The following LPP variants were observed in gnomAD, a reference collection of about 807,000 sequenced individuals.
LPP encodes the protein LIM domain containing preferred translocation partner in lipoma, also known as lipoma-preferred partner.
Under a neutral mutation model 60.4 loss-of-function variants are expected in LPP, and 38 were observed. That is an observed-to-expected ratio of 0.63 (90% confidence interval 0.49 to 0.83). The LOEUF (loss-of-function observed/expected upper bound fraction) is 0.83, where lower values mean the gene tolerates loss of function less well. Ranked by LOEUF, LPP falls within the 40% of genes least tolerant of loss-of-function variation. The pLI is 0.00. For missense variants in LPP, 902 were observed against 783.6 expected (o/e 1.15, Z -1.80); for synonymous variants, 328 against 290.8 (o/e 1.13, Z -1.30).
chr3:188,393,928 A>G (rs749014871), intron 3 of LPP, among the ~76,000 whole-genome samples: 24 of 152,148 alleles, frequency 1.6e-4, no homozygotes, highest in Non-Finnish European at 2.6e-4. Context: ...AATGCATTTT[A>G]TGCTTCCCCC....
At chr3:188,786,688 T>C (rs941879318) in intron 9 of LPP, among the ~76,000 whole-genome samples, 1 of 152,168 alleles carries the variant, frequency 6.6e-6, no homozygotes, top group African/African-American at 2.4e-5. Context: ...AACCCAGATG[T>C]CTTTCAACAG....
chr3:188,240,566 C>G (rs1724038262), intron 2 of LPP, among the ~76,000 whole-genome samples: 2 of 152,236 alleles, frequency 1.3e-5, no homozygotes, highest in Admixed American at 6.5e-5. Flanking sequence ...GAGCTTTATT[C>G]AAACTCATTC....
At chr3:188,864,446 TG>T (rs1300105048) in intron 9 of LPP, among the ~76,000 whole-genome samples, 4 of 152,268 alleles carry the variant, frequency 2.6e-5, no homozygotes, top group African/African-American at 9.6e-5. Context: ...ACATAGTCTC[TG>T]CCCCTAATGA....
rs1055018312 is a variant in LPP at position 188,591,901 on chromosome 3, G to T, written c.430-17260G>T. On this transcript the variant is annotated intron_variant, in intron 6 of 11. Transcript: ENST00000617246. Reference sequence around the variant, plus strand: ...TTTAACTGTGAGGTACTTGGCATGGGTCTGAATTGCATGTATATTGTATGA... The same window carrying T: ...TTTAACTGTGAGGTACTTGGCATGGTTCTGAATTGCATGTATATTGTATGA... Among the ~76,000 whole-genome samples the T allele has an allele frequency of 2.0e-5, 3 of 152,166 alleles. No individual in the cohort carries two copies. In the East Asian group the frequency reaches 5.8e-4, roughly 29 times the overall value.
intron 9 of LPP, among the ~76,000 whole-genome samples, chr3:188,800,798 G>T (rs1746992312): frequency 1.3e-5 from 2 of 152,002 alleles, no homozygotes; most frequent in South Asian, 4.1e-4. Flanking sequence ...GATTTTTGGT[G>T]GATTTAGCAT....
chr3:188,170,160 G>A (rs1200409896), intron 1 of LPP, among the ~76,000 whole-genome samples: 1 of 152,194 alleles, frequency 6.6e-6, no homozygotes, highest in Non-Finnish European at 1.5e-5. Context: ...TTTTGGCGCA[G>A]AACTTTCTGC....
intron 7 of LPP, among the ~76,000 whole-genome samples, chr3:188,665,222 T>A (rs1855501409): frequency 6.6e-6 from 1 of 152,212 alleles, no homozygotes; most frequent in Non-Finnish European, 1.5e-5. Context: ...GCCCCTTTTC[T>A]GTGTTGAATG....
chr3:188,310,534 C>G (rs1415019680), intron 2 of LPP, among the ~76,000 whole-genome samples: 1 of 152,130 alleles, frequency 6.6e-6, no homozygotes, highest in Non-Finnish European at 1.5e-5. Flanking sequence ...CAATCTTTGC[C>G]TACACATTGA....
intron 5 of LPP, among the ~76,000 whole-genome samples, chr3:188,519,940 T>C (rs1224205267): frequency 1.3e-5 from 2 of 152,210 alleles, no homozygotes; most frequent in African/African-American, 4.8e-5. Flanking sequence ...GGGTTAGTGA[T>C]AGTTGGCCTG....
intron 4 of LPP, among the ~76,000 whole-genome samples, chr3:188,411,330 C>T (rs1363907828): frequency 6.6e-6 from 1 of 152,050 alleles, no homozygotes; most frequent in East Asian, 1.9e-4. Context: ...TAAACTAGTA[C>T]AACTGCTATG....
At chr3:188,417,348 G>A (rs1030604968) in intron 4 of LPP, among the ~76,000 whole-genome samples, 4 of 152,018 alleles carry the variant, frequency 2.6e-5, no homozygotes, top group Admixed American at 6.6e-5. Flanking sequence ...CATCACAGAC[G>A]AGGACACATC....
chr3:188,836,056 A>T (rs1223381639), intron 9 of LPP, among the ~76,000 whole-genome samples: 1 of 152,190 alleles, frequency 6.6e-6, no homozygotes, highest in Non-Finnish European at 1.5e-5. Context: ...ATTTCAGATA[A>T]ATTTTATATG....
At chr3:188,736,671 AGATGGATG>A (rs1012398748) in intron 8 of LPP, among the ~76,000 whole-genome samples, 6 of 151,812 alleles carry the variant, frequency 4.0e-5, no homozygotes, top group Admixed American at 2.6e-4. Context: ...GATAAATATC[AGATGGATG>A]GATGGATGGA....
intron 7 of LPP, among the ~76,000 whole-genome samples, chr3:188,638,546 A>G (rs1419358371): frequency 1.4e-5 from 2 of 148,090 alleles, no homozygotes; most frequent in African/African-American, 5.1e-5. Flanking sequence ...AATAAAGGGT[A>G]TTCAATTAGG....
chr3:188,673,948 G>A (rs1156486182), intron 7 of LPP, among the ~76,000 whole-genome samples: 1 of 148,152 alleles, frequency 6.7e-6, no homozygotes, highest in African/African-American at 2.5e-5. Context: ...GGAGATGACT[G>A]ATGAAATATA....
intron 1 of LPP, among the ~76,000 whole-genome samples, chr3:188,195,806 G>A (rs972701240): frequency 2.6e-5 from 4 of 152,294 alleles, no homozygotes; most frequent in African/African-American, 9.6e-5. Context: ...TGTGGCTGCA[G>A]GAAATTAACA....
rs11459981 is a variant in LPP, at chr3:188,877,064, GT to G, written c.*2595del. 27 of 167,312 alleles carry G rather than the reference GT, an allele frequency of 1.6e-4. 1 individual carries two copies. The highest frequency in any genetic ancestry group is 3.1e-4 in the African/African-American group (13 of 41,532). 10.4% of individuals were successfully genotyped at this position (167,312 alleles called of 1,614,324 possible). On this transcript the variant is annotated 3_prime_UTR_variant, in exon 12 of 12. Coordinates refer to ENST00000617246, the MANE Select transcript of LPP (RefSeq NM_001375462.1). The stretch of plus-strand genomic sequence containing the variant: ...ATATGTAGAAACATTTAGATTTAGA[GT>G]TTTTTTTTTCTTTCACAAGGTATAA...
chr3:188,744,661 C>T (rs1725545053), intron 8 of LPP, among the ~76,000 whole-genome samples: 1 of 152,072 alleles, frequency 6.6e-6, no homozygotes, highest in Non-Finnish European at 1.5e-5. Context: ...CCATTGCTCC[C>T]CTTGCCTGAA....
At chr3:188,447,095 G>A (rs1795397829) in intron 4 of LPP, among the ~76,000 whole-genome samples, 1 of 152,136 alleles carries the variant, frequency 6.6e-6, no homozygotes. Flanking sequence ...ACCTTAGAAA[G>A]CCTTGAGAAA....
Sources: gnomAD v4.1 joint callset for allele counts (sites outside exome capture counted in the v4.1 genomes callset) on GRCh38, gnomAD v4.1.1 for gene constraint, MANE v1.5 for transcripts, NCBI Gene and HGNC (gene_info 2026-07-23, HGNC 2026-07-21) for gene names.